FGF12: variants seen among roughly 807,000 people sequenced by gnomAD.
The protein encoded by FGF12 is fibroblast growth factor 12B.
Under a neutral mutation model 23.6 loss-of-function variants are expected in FGF12, and 14 were observed. The observed-to-expected ratio is 0.59, with a 90% confidence interval of 0.39 to 0.93. The LOEUF (loss-of-function observed/expected upper bound fraction) is 0.93. FGF12 is among the 40% of genes least tolerant of loss of function. The probability of loss-of-function intolerance (pLI) is 0.00; values close to 1 mark genes in which losing one functional copy is unlikely to be tolerated. For synonymous variants in FGF12, 62 were observed against 77.3 expected, an observed-to-expected ratio of 0.80 and a Z score of 1.04; for missense variants, 175 against 217.8, an observed-to-expected ratio of 0.80 and a Z score of 1.24.
At chr3:192,593,600 T>G (rs1713717400) in intron 2 of FGF12, among the ~76,000 whole-genome samples, 1 of 151,920 alleles carries the variant, frequency 6.6e-6, no homozygotes, top group Non-Finnish European at 1.5e-5. Flanking sequence ...AAATTGGGAG[T>G]TCACCAAACT....
At chr3:192,261,803 G>A (rs1260116805) in intron 4 of FGF12, among the ~76,000 whole-genome samples, 1 of 152,134 alleles carries the variant, frequency 6.6e-6, no homozygotes, top group African/African-American at 2.4e-5. Context: ...CTCAATACGT[G>A]TTATCTCCAG....
chr3:192,168,017 G>A (rs1257600925), intron 5 of FGF12, among the ~76,000 whole-genome samples: 5 of 151,394 alleles, frequency 3.3e-5, no homozygotes, highest in East Asian at 2.0e-4. Flanking sequence ...CGCCCACCTC[G>A]GTCTCCCAAA....
At chr3:192,625,032 GT>G (rs1216754590) in intron 2 of FGF12, among the ~76,000 whole-genome samples, 1 of 152,042 alleles carries the variant, frequency 6.6e-6, no homozygotes, top group South Asian at 2.1e-4. Context: ...TAAAAGCTTT[GT>G]TATGTTTCAA....
chr3:192,147,754 G>C (rs534455519), intron 5 of FGF12, among the ~76,000 whole-genome samples: 2 of 152,214 alleles, frequency 1.3e-5, no homozygotes, highest in South Asian at 2.1e-4. Context: ...CAAGGTCCTA[G>C]TTAAGAGTTT....
At chr3:192,508,337 G>C (rs1156721799) in intron 2 of FGF12, among the ~76,000 whole-genome samples, 1 of 152,172 alleles carries the variant, frequency 6.6e-6, no homozygotes, top group African/African-American at 2.4e-5. Context: ...ATTCAAACAT[G>C]ACATTCATAA....
intron 4 of FGF12, among the ~76,000 whole-genome samples, chr3:192,298,746 G>GA (rs776693881): frequency 3.4e-4 from 50 of 147,628 alleles, no homozygotes; most frequent in African/African-American, 1.0e-3. Context: ...CTGTCTCAAA[G>GA]AAAAAAAAAA....
chr3:192,141,135 A>AAAC lies in FGF12; in HGVS notation c.*2873_*2874insGTT. ...AAAATCCCAATGCAACTCCAAAAAA[A>AAAC]AAAAAAAAAAAAAAAAAAAGCTTAT... On this transcript the variant is annotated 3_prime_UTR_variant, in exon 6 of 6. Transcript: ENST00000445105. The AAAC allele has an allele frequency of 6.8e-6, 1 of 146,966 alleles. No homozygotes were observed. Among genetic ancestry groups the AAAC allele is most frequent in the African/African-American group, 2.5e-5 (1 of 39,472 alleles). The allele number at this position is 146,966 out of a possible 1,614,324, so 9.1% of individuals were successfully genotyped here. A position where few individuals can be genotyped will look rare whatever the true frequency, so the allele number is the denominator to read the frequency against.
chr3:192,188,372 C>T (rs1346204308), intron 4 of FGF12, among the ~76,000 whole-genome samples: 1 of 152,112 alleles, frequency 6.6e-6, no homozygotes, highest in East Asian at 1.9e-4. Flanking sequence ...TTTCAGGTTG[C>T]TTTCCTGAGG....
intron 2 of FGF12, among the ~76,000 whole-genome samples, chr3:192,361,826 C>T (rs1338049803): frequency 1.3e-5 from 2 of 152,080 alleles, no homozygotes; most frequent in African/African-American, 2.4e-5. Flanking sequence ...GAATATGGGG[C>T]AATGCCTCTA....
At position 192,610,736 on chromosome 3, in the gene FGF12, T is replaced by C. The variant is rs375708083; in HGVS notation, c.13+116445A>G. On this transcript the variant is annotated intron_variant, in intron 2 of 5. Coordinates refer to ENST00000445105, the MANE Select transcript of FGF12 (RefSeq NM_004113.6). ...GGCCCTGCAAGATCTGGCTTCCCCA[T>C]TTCTTCTTTGACTATCTCTTACTCC... Among the ~76,000 whole-genome samples the C allele has an allele frequency of 2.6e-5, 4 of 152,154 alleles. No homozygotes were observed. The East Asian group carries it at 5.8e-4, about 22-fold the overall frequency.
intron 2 of FGF12, among the ~76,000 whole-genome samples, chr3:192,528,836 C>G (rs553777824): frequency 6.6e-6 from 1 of 152,280 alleles, no homozygotes; most frequent in Admixed American, 6.5e-5. Context: ...ACATTGGCCC[C>G]TTTCAGACAC....
At chr3:192,210,141 A>G (rs189353956) in intron 4 of FGF12, among the ~76,000 whole-genome samples, 4 of 152,168 alleles carry the variant, frequency 2.6e-5, no homozygotes, top group East Asian at 1.9e-4. Context: ...AGAAAAAAAC[A>G]TAGTGAGCAT....
In FGF12 at chr3:192,211,283, T is replaced by C. The variant is rs1217596107; in HGVS notation, c.229-40627A>G. 1.3e-4 allele frequency among the ~76,000 whole-genome samples: 20 copies of C among 152,160 alleles called. 1 individual carries two copies. Among genetic ancestry groups the C allele is most frequent in the Admixed American group, 1.3e-3 (20 of 15,272 alleles). ...TCCAGGATGCTTTTGAGAGTTGTGG[T>C]GGTTTTTAAGCAACTAAAAGGGTAG... On this transcript the variant is annotated intron_variant, in intron 4 of 5. Coordinates refer to ENST00000445105, the MANE Select transcript of FGF12 (RefSeq NM_004113.6).
chr3:192,407,388 G>T (rs1721005855), intron 2 of FGF12, among the ~76,000 whole-genome samples: 1 of 152,132 alleles, frequency 6.6e-6, no homozygotes, highest in African/African-American at 2.4e-5. Context: ...AGAGGGGTTG[G>T]AAGAAAATAA....
chr3:192,390,846 T>A (rs9827850), intron 2 of FGF12, among the ~76,000 whole-genome samples: 3,812 of 152,284 alleles, frequency 0.025, 162 homozygotes, highest in African/African-American at 0.088. Context: ...AAGTGTCTAC[T>A]AGGTATCATT....
At chr3:192,317,444 C>A (rs1716288108) in intron 4 of FGF12, among the ~76,000 whole-genome samples, 2 of 151,942 alleles carry the variant, frequency 1.3e-5, no homozygotes, top group Admixed American at 1.3e-4. Flanking sequence ...AGTAGCCAGG[C>A]AATGTGTGCT....
chr3:192,289,747 T>C (rs1278849744), intron 4 of FGF12, among the ~76,000 whole-genome samples: 1 of 152,178 alleles, frequency 6.6e-6, no homozygotes, highest in Non-Finnish European at 1.5e-5. Context: ...TTAATTAGTG[T>C]AAATAAAGCA....
intron 4 of FGF12, chr3:192,268,784 C>T: frequency 2.7e-6 from 1 of 365,854 alleles, no homozygotes; most frequent in South Asian, 2.1e-5. Flanking sequence ...TCATAAATTA[C>T]CCAGTCTCAA....
At position 192,620,249 on chromosome 3, in the gene FGF12, C is replaced by T. The variant is rs571312584; in HGVS notation, c.13+106932G>A. Among the ~76,000 whole-genome samples the T allele has an allele frequency of 8.9e-5, 6 of 67,210 alleles. No homozygotes were observed. In the East Asian group the frequency reaches 1.5e-3, roughly 16 times the overall value. The allele number at this position is 67,210 out of a possible 152,430, so 44.1% of individuals were successfully genotyped here. A position where few individuals can be genotyped will look rare whatever the true frequency, so the allele number is the denominator to read the frequency against. ...GATCAATTACACACACACGCGCGCG[C>T]GCGCGCACGCACACACACACACACA... On this transcript the variant is annotated intron_variant, in intron 2 of 5. Transcript: ENST00000445105.
Sources: gnomAD v4.1 joint callset for allele counts (sites outside exome capture counted in the v4.1 genomes callset) on GRCh38, gnomAD v4.1.1 for gene constraint, MANE v1.5 for transcripts, NCBI Gene and HGNC (gene_info 2026-07-23, HGNC 2026-07-21) for gene names.